The following TDRD7 variants were observed in gnomAD, a reference collection of about 807,000 sequenced individuals.
TDRD7 encodes the protein tudor domain-containing protein 7.
A neutral mutation model predicts 109.8 loss-of-function variants in TDRD7; 47 were observed. That is an observed-to-expected ratio of 0.43 (90% CI 0.34 to 0.55). The LOEUF (loss-of-function observed/expected upper bound fraction) is 0.55. Ranked by LOEUF, TDRD7 falls within the 20% of genes least tolerant of loss-of-function variation. The probability of loss-of-function intolerance (pLI) is 0.03; values close to 1 mark genes in which losing one functional copy is unlikely to be tolerated. For synonymous variants in TDRD7, 424 were observed against 457.3 expected (o/e 0.93, Z 0.93); for missense variants, 1,164 against 1,319.2 (o/e 0.88, Z 1.82).
chr9:97,431,846 A>G (rs780804713), intron 3 of TDRD7, among the ~76,000 whole-genome samples, 179 bp from the exon 4 acceptor site: 5 of 152,168 alleles, frequency 3.3e-5, no homozygotes, highest in African/African-American at 4.8e-5. Flanking sequence ...CTTATCTGCC[A>G]AATACTCACC....
At chr9:97,487,992 A>G (rs985865056) in intron 16 of TDRD7, among the ~76,000 whole-genome samples, 14 of 152,202 alleles carry the variant, frequency 9.2e-5, no homozygotes, top group African/African-American at 2.2e-4. Context: ...CAAGGGAGCA[A>G]TTTCACCACA....
At position 97,482,809 on chromosome 9, in the gene TDRD7, G is replaced by A. The variant is rs1000992898; in HGVS notation, c.2413-40G>A. On this transcript the variant is annotated intron_variant, in intron 14 of 16. Transcript: ENST00000355295. ...ATAACTGCCTCTCAAAATTTAATGT[G>A]AACTTGTATTTCTTATATCATTTTT... 8 of 1,607,926 alleles carry A rather than the reference G, an allele frequency of 5.0e-6. No individual in the cohort carries two copies. The African/African-American group carries it at 9.4e-5, about 19-fold the overall frequency.
At chr9:97,457,425 C>T (rs2118469528) in intron 6 of TDRD7, among the ~76,000 whole-genome samples, 1 of 152,064 alleles carries the variant, frequency 6.6e-6, no homozygotes, top group African/African-American at 2.4e-5. Context: ...GTCACCTGGG[C>T]TGGCGTGCAA....
intron 1 of TDRD7, among the ~76,000 whole-genome samples, chr9:97,419,154 G>T (rs1456660604): frequency 6.6e-6 from 1 of 152,136 alleles, no homozygotes; most frequent in African/African-American, 2.4e-5. Context: ...GATAGCCAAG[G>T]CCCACTTAGG....
At chr9:97,483,957 C>T (rs1829168221) in intron 15 of TDRD7, among the ~76,000 whole-genome samples, 1 of 152,046 alleles carries the variant, frequency 6.6e-6, no homozygotes, top group African/African-American at 2.4e-5. Context: ...TCATAATTTA[C>T]TTACCATTCT....
At chr9:97,470,475 T>G (rs539596195) in intron 8 of TDRD7, 83 bp from the exon 9 acceptor site, 2 of 1,296,936 alleles carry the variant, frequency 1.5e-6, no homozygotes, top group African/African-American at 2.9e-5. Context: ...GATCATGGAA[T>G]AAGATTGAGC....
chr9:97,439,196 G>C, intron 4 of TDRD7, 49 bp from the exon 5 acceptor site: 2 of 1,456,292 alleles, frequency 1.4e-6, no homozygotes, highest in Non-Finnish European at 1.8e-6. Context: ...ACTTGGTATA[G>C]ACTTTGTTAT....
chr9:97,419,756 C>T (rs891802067), intron 1 of TDRD7, among the ~76,000 whole-genome samples: 4 of 152,066 alleles, frequency 2.6e-5, no homozygotes, highest in Admixed American at 2.0e-4. Context: ...CTCTGCTTAC[C>T]CTTTCTTTCC....
At chr9:97,447,050 G>A (rs930920504) in intron 6 of TDRD7, among the ~76,000 whole-genome samples, 16 of 152,258 alleles carry the variant, frequency 1.1e-4, no homozygotes, top group Admixed American at 8.5e-4. Context: ...CCAGTGAAAA[G>A]AAATATATAA....
intron 4 of TDRD7, among the ~76,000 whole-genome samples, chr9:97,433,024 C>A (rs1470945237): frequency 6.6e-6 from 1 of 152,012 alleles, no homozygotes; most frequent in Non-Finnish European, 1.5e-5. Flanking sequence ...ACTGGTGGAC[C>A]CTTTACAGAA....
At chr9:97,451,859 A>T (rs1289558932) in intron 6 of TDRD7, among the ~76,000 whole-genome samples, 1 of 152,062 alleles carries the variant, frequency 6.6e-6, no homozygotes, top group African/African-American at 2.4e-5. Context: ...GAATTAATTG[A>T]TTGACTGAAG....
intron 6 of TDRD7, 109 bp downstream of exon 6, chr9:97,441,984 A>G (rs1304132235): frequency 1.3e-5 from 11 of 867,690 alleles, no homozygotes; most frequent in Non-Finnish European, 2.0e-5. Flanking sequence ...AGCACTTTAC[A>G]TATGTTACCT....
intron 6 of TDRD7, among the ~76,000 whole-genome samples, chr9:97,447,200 A>T (rs371564511): frequency 1.1e-4 from 17 of 152,298 alleles, no homozygotes; most frequent in African/African-American, 4.1e-4. Flanking sequence ...CTTGAAACAG[A>T]AACTACCCAT....
intron 8 of TDRD7, among the ~76,000 whole-genome samples, chr9:97,467,646 TA>T (rs1224587269): frequency 1.1e-4 from 16 of 152,110 alleles, no homozygotes; most frequent in South Asian, 1.0e-3. Context: ...ATGAAGGAAA[TA>T]ACCAATAAAG....
rs1430256246 is a variant in TDRD7 at position 97,432,009 on chromosome 9, A to T, written c.350-16A>T. ...GGGATGCTAATTGATTTCGTTATGT[A>T]TGCCTAACTTCATAGGAAAACCAAA... On this transcript the variant is annotated splice_polypyrimidine_tract_variant and intron_variant, in intron 3 of 16. Coordinates refer to ENST00000355295, the MANE Select transcript of TDRD7 (RefSeq NM_014290.3). 3 of 1,612,330 alleles carry T rather than the reference A, an allele frequency of 1.9e-6. No individual in the cohort carries two copies. Among genetic ancestry groups the T allele is most frequent in the Non-Finnish European group, 2.5e-6 (3 of 1,178,504 alleles).
chr9:97,460,539 T>A lies in TDRD7; in HGVS notation c.1217T>A (p.Leu406His). The change falls in exon 7 of 17, where the codon CTT (leucine) becomes CAT (histidine). Residue 406 changes from leucine to histidine, a missense_variant. Leu to His is a moderately conservative substitution (Grantham distance 99). Transcript: ENST00000355295. The stretch of plus-strand genomic sequence containing the variant: ...CAGAAGGCCATTCTCTATGCTAAAC[T>A]TCCATTGCCCACTGACAAAATCCAA... ...NPQKAILYAK[L>H]PLPTDKIQKD... 6.2e-7 allele frequency: 1 copy of A among 1,614,236 alleles called. No homozygotes were observed. Among genetic ancestry groups the A allele is most frequent in the Non-Finnish European group, 8.5e-7 (1 of 1,180,038 alleles).
chr9:97,444,799 A>G (rs1275249133), intron 6 of TDRD7, among the ~76,000 whole-genome samples: 1 of 152,202 alleles, frequency 6.6e-6, no homozygotes, highest in Non-Finnish European at 1.5e-5. Context: ...CCATCATTCT[A>G]CCACCCAGAG....
intron 6 of TDRD7, among the ~76,000 whole-genome samples, chr9:97,449,072 C>T (rs778101104): frequency 2.4e-4 from 37 of 152,242 alleles, no homozygotes; most frequent in Non-Finnish European, 2.1e-4. Context: ...AGTTTCTAGG[C>T]GTGTAGGATG....
Position 97,431,196 on chromosome 9 carries a change from G to A in TDRD7, c.349+122G>A, listed in dbSNP as rs1007641014. On this transcript the variant is annotated intron_variant, in intron 3 of 16. Coordinates refer to ENST00000355295, the MANE Select transcript of TDRD7 (RefSeq NM_014290.3). ...GTATCTGTTAACATACATATGTCAG[G>A]GGAAAGATCCTGAAGCTAGCATTTC... The A allele has an allele frequency of 6.3e-6, 9 of 1,435,974 alleles. No homozygotes were observed. In the Admixed American group the frequency reaches 1.4e-4, roughly 22 times the overall value. The allele number at this position is 1,435,974 out of a possible 1,614,324, so 89.0% of individuals were successfully genotyped here.
Sources: allele counts gnomAD v4.1 joint callset (sites outside exome capture counted in the v4.1 genomes callset), GRCh38; gene constraint gnomAD v4.1.1; transcripts MANE v1.5; gene names NCBI Gene and HGNC (gene_info 2026-07-23, HGNC 2026-07-21).